KANK1: variants seen among roughly 807,000 people sequenced by gnomAD.
KANK1 encodes the protein KN motif and ankyrin repeat domains 1, also known as KN motif and ankyrin repeat domain-containing protein 1.
In KANK1, 109 loss-of-function variants were observed where a neutral mutation model predicts 106.2. That is an observed-to-expected ratio of 1.03 (90% CI 0.88 to 1.20). The LOEUF is 1.20. KANK1 is among the 50% of genes most tolerant of loss of function. The pLI, the probability that KANK1 is intolerant of heterozygous loss-of-function variation, is 0.00. For synonymous variants in KANK1, 873 were observed against 652.2 expected, an observed-to-expected ratio of 1.34 and a Z score of -5.16; for missense variants, 2,399 against 1,710.7, an observed-to-expected ratio of 1.40 and a Z score of -7.10.
At position 711,772 on chromosome 9, in the gene KANK1, T is replaced by C. The variant is rs2130924957; in HGVS notation, c.1006T>C (p.Ser336Pro). Residue 336 changes from serine (S) to proline (P), a missense_variant, in exon 3 of 12, where the codon TCC becomes CCC. Coordinates refer to ENST00000382297, the MANE Select transcript of KANK1 (RefSeq NM_015158.5). ...AGNASQLEQLSRARRSGGELY... is the reference protein window; with the variant it reads ...AGNASQLEQLPRARRSGGELY... ...GAACGCCTCCCAGCTGGAACAGCTC[T>C]CCCGGGCCCGAAGAAGTGGCGGGGA... 6.2e-7 allele frequency: 1 copy of C among 1,614,126 alleles called. No homozygotes were observed.
chr9:552,026 A>C (rs1440410088), intron 1 of KANK1, among the ~76,000 whole-genome samples: 1 of 152,166 alleles, frequency 6.6e-6, no homozygotes, highest in Non-Finnish European at 1.5e-5. Context: ...ACTGTATTCC[A>C]GCCTGGGTAA....
At chr9:689,430 G>A (rs1383527012) in intron 2 of KANK1, among the ~76,000 whole-genome samples, 1 of 152,186 alleles carries the variant, frequency 6.6e-6, no homozygotes, top group Non-Finnish European at 1.5e-5. Context: ...GGAAGGCAGG[G>A]TGGCCTCTCC....
chr9:517,716 G>GA (rs1283426310), intron 1 of KANK1, among the ~76,000 whole-genome samples: 1 of 148,224 alleles, frequency 6.7e-6, no homozygotes, highest in Non-Finnish European at 1.5e-5. Flanking sequence ...GGTTAAGAAC[G>GA]AGTAATAAGA....
chr9:487,528 T>A (rs2058313189), intron 3 of KANK1, among the ~76,000 whole-genome samples: 1 of 152,194 alleles, frequency 6.6e-6, no homozygotes, highest in African/African-American at 2.4e-5. Context: ...AAGTTGGGTA[T>A]CAGTACCTCA....
chr9:742,947 T>G (rs1421063491), intron 10 of KANK1, among the ~76,000 whole-genome samples: 7 of 152,352 alleles, frequency 4.6e-5, no homozygotes, highest in East Asian at 1.9e-4. Context: ...CTGCTTAGTC[T>G]GTCCCATCAA....
At position 711,246 on chromosome 9, in the gene KANK1, G is replaced by C; in HGVS notation, c.480G>C (p.Glu160Asp). 1 of 1,614,148 alleles carries C rather than the reference G, an allele frequency of 6.2e-7. No individual in the cohort carries two copies. The highest frequency in any genetic ancestry group is 1.1e-5 in the South Asian group (1 of 91,078). The change falls in exon 3 of 12, where the codon GAG (glutamate) becomes GAC (aspartate). Residue 160 changes from glutamate (E) to aspartate (D), a missense_variant. Coordinates refer to ENST00000382297, the MANE Select transcript of KANK1 (RefSeq NM_015158.5). ...TTCATGTCACCAAGACACTGATGGA[G>C]ACCCGGAGAAGACTGGAACAGGAGA... ...HNLHVTKTLM[E>D]TRRRLEQERA...
At chr9:625,212 G>A (rs995621867) in intron 1 of KANK1, among the ~76,000 whole-genome samples, 12 of 152,156 alleles carry the variant, frequency 7.9e-5, no homozygotes, top group Non-Finnish European at 1.8e-4. Flanking sequence ...CTACTGTCAC[G>A]GGAAAGATTT....
At chr9:537,160 C>G (rs1426202355) in intron 1 of KANK1, among the ~76,000 whole-genome samples, 1 of 152,182 alleles carries the variant, frequency 6.6e-6, no homozygotes, top group East Asian at 1.9e-4. Context: ...GAAACCACCT[C>G]CTAAACAACT....
intron 9 of KANK1, 117 bp from the exon 10 acceptor site, chr9:742,088 C>T (rs1835739558): frequency 2.3e-6 from 2 of 868,172 alleles, no homozygotes; most frequent in Admixed American, 4.4e-5. Context: ...AGTTCCATCG[C>T]CAGTTCTTTC....
intron 2 of KANK1, among the ~76,000 whole-genome samples, chr9:704,733 C>G (rs1018956320): frequency 1.3e-5 from 2 of 152,028 alleles, no homozygotes; most frequent in African/African-American, 4.8e-5. Context: ...GTAATTCCAG[C>G]ATGTTGAGAG....
Position 730,167 on chromosome 9 carries a change from A to C in KANK1, c.2815A>C (p.Ser939Arg). The C allele has an allele frequency of 6.2e-7, 1 of 1,614,214 alleles. No homozygotes were observed. Among genetic ancestry groups the C allele is most frequent in the Non-Finnish European group, 8.5e-7 (1 of 1,180,020 alleles). ...GACCTCAGAAGGAAAGCCAATCAGCAGCCTGGATGCCTTCCCCACTCAGGA... is the reference window on the plus strand; with the variant it reads ...GACCTCAGAAGGAAAGCCAATCAGCCGCCTGGATGCCTTCCCCACTCAGGA... ...VGTSEGKPIS[S>R]LDAFPTQEGT... Residue 939 changes from serine (S) to arginine (R), a missense_variant, in exon 4 of 12, where the codon AGC becomes CGC. Coordinates refer to ENST00000382297, the MANE Select transcript of KANK1 (RefSeq NM_015158.5).
chr9:677,243 G>T (rs895086351), intron 2 of KANK1, among the ~76,000 whole-genome samples: 3 of 152,174 alleles, frequency 2.0e-5, no homozygotes, highest in Non-Finnish European at 4.4e-5. Context: ...AGTCAATTCT[G>T]TTGAAGTGTT....
Position 738,480 on chromosome 9 carries a change from A to G in KANK1, c.3529A>G (p.Ile1177Val), listed in dbSNP as rs1178111056. ...CAGCGTGTCCCACTCCAACTTCGAGATTGTGAAGCTGCTGTTAGATGCCGG... is the reference window on the plus strand; with the variant it reads ...CAGCGTGTCCCACTCCAACTTCGAGGTTGTGAAGCTGCTGTTAGATGCCGG... The part of the protein sequence containing the change: ...HYSVSHSNFE[I>V]VKLLLDADVC... Residue 1177 changes from isoleucine (I) to valine (V), a missense_variant, in exon 8 of 12, where the codon ATT (isoleucine) becomes GTT (valine). Ile to Val is a conservative substitution (Grantham distance 29, BLOSUM62 3). Coordinates refer to ENST00000382297, the MANE Select transcript of KANK1 (RefSeq NM_015158.5). 1 of 1,613,900 alleles carries G rather than the reference A, an allele frequency of 6.2e-7. No individual in the cohort carries two copies. Among genetic ancestry groups the G allele is most frequent in the Non-Finnish European group, 8.5e-7 (1 of 1,179,966 alleles).
intron 2 of KANK1, among the ~76,000 whole-genome samples, chr9:690,133 C>CAAAAAAA (rs57837964): frequency 9.2e-4 from 57 of 61,660 alleles, no homozygotes; most frequent in Admixed American, 1.2e-3. Context: ...TCTAAAAATA[C>CAAAAAAA]AAAAAAAAAA....
intron 1 of KANK1, among the ~76,000 whole-genome samples, chr9:661,576 A>G (rs1350009377): frequency 6.6e-6 from 1 of 152,044 alleles, no homozygotes. Flanking sequence ...ATAGTGCCGC[A>G]ATAAACATAC....
intron 1 of KANK1, among the ~76,000 whole-genome samples, chr9:569,737 A>G (rs1470917747): frequency 6.6e-6 from 1 of 152,168 alleles, no homozygotes; most frequent in East Asian, 1.9e-4. Flanking sequence ...TTGGCTTTTC[A>G]AGGAAGCTTT....
rs180816986 is a variant in KANK1, at chr9:738,342, G to C, written c.3391G>C (p.Ala1131Pro). The C allele has an allele frequency of 9.3e-6, 15 of 1,614,164 alleles. No individual in the cohort carries two copies. Among genetic ancestry groups the C allele is most frequent in the Middle Eastern group, 3.3e-4 (2 of 6,062 alleles). ...GTTCCGCGTGTCCAGTCAGAAGTCAGCCATTCCAGCCATGGTGGGGGACTA... is the reference window on the plus strand; with the variant it reads ...GTTCCGCGTGTCCAGTCAGAAGTCACCCATTCCAGCCATGGTGGGGGACTA... Reference protein sequence around the residue: ...EWFRVSSQKSAIPAMVGDYIA... With the variant: ...EWFRVSSQKSPIPAMVGDYIA... The change falls in exon 8 of 12, where the codon GCC becomes CCC. Residue 1131 changes from alanine (A) to proline (P), a missense_variant. Ala to Pro is a conservative substitution (Grantham distance 27, BLOSUM62 -1). Coordinates refer to ENST00000382297, the MANE Select transcript of KANK1 (RefSeq NM_015158.5).
intron 1 of KANK1, among the ~76,000 whole-genome samples, chr9:622,348 G>A (rs1457630106): frequency 3.9e-5 from 6 of 152,136 alleles, no homozygotes; most frequent in Admixed American, 3.9e-4. Flanking sequence ...GGATAAATAA[G>A]TCATGGTCAC....
intron 1 of KANK1, among the ~76,000 whole-genome samples, chr9:516,998 T>C (rs1247309390): frequency 6.9e-6 from 1 of 145,478 alleles, no homozygotes; most frequent in East Asian, 2.0e-4. Flanking sequence ...CATCACCCTC[T>C]ACACACACAC....
Sources: allele counts gnomAD v4.1 joint callset (sites outside exome capture counted in the v4.1 genomes callset), GRCh38; gene constraint gnomAD v4.1.1; transcripts MANE v1.5; gene names NCBI Gene and HGNC (gene_info 2026-07-23, HGNC 2026-07-21).